The following ARHGAP24 variants were observed in gnomAD, a reference collection of about 807,000 sequenced individuals.
ARHGAP24 encodes rho GTPase-activating protein 24.
A neutral mutation model predicts 76.4 loss-of-function variants in ARHGAP24; 50 were observed. That is an observed-to-expected ratio of 0.65 (90% CI 0.52 to 0.83). The LOEUF (loss-of-function observed/expected upper bound fraction) is 0.83. Ranked by LOEUF, ARHGAP24 falls within the 40% of genes least tolerant of loss-of-function variation. The pLI is 0.00. For synonymous variants in ARHGAP24, 345 were observed against 323.3 expected, an observed-to-expected ratio of 1.07 and a Z score of -0.72; for missense variants, 930 against 914.2, an observed-to-expected ratio of 1.02 and a Z score of -0.22.
At chr4:85,528,924 T>C (rs919073620) in intron 1 of ARHGAP24, among the ~76,000 whole-genome samples, 3 of 152,010 alleles carry the variant, frequency 2.0e-5, no homozygotes, top group African/African-American at 7.2e-5. Context: ...TCATCTTGAC[T>C]ACTCTTGAGC....
intron 2 of ARHGAP24, among the ~76,000 whole-genome samples, chr4:85,583,502 T>A (rs1371454826): frequency 1.3e-5 from 2 of 152,106 alleles, no homozygotes; most frequent in Non-Finnish European, 2.9e-5. Context: ...GAAGAAAACC[T>A]AGGCATTACC....
At chr4:85,845,732 TGTTAATAGAGTTAAAAATAAA>T (rs1326606891) in intron 3 of ARHGAP24, among the ~76,000 whole-genome samples, 1 of 152,138 alleles carries the variant, frequency 6.6e-6, no homozygotes, top group Non-Finnish European at 1.5e-5. Flanking sequence ...CTCCCACCTA[TGTTAATAGAGTTAAAAATAAA>T]GTAAAATAAT....
chr4:85,634,460 G>A (rs1721250287), intron 2 of ARHGAP24, among the ~76,000 whole-genome samples: 1 of 151,820 alleles, frequency 6.6e-6, no homozygotes, highest in African/African-American at 2.4e-5. Flanking sequence ...TTCAGAAGAT[G>A]TCTACTGTAT....
chr4:85,648,910 A>G (rs1721826982), intron 2 of ARHGAP24, among the ~76,000 whole-genome samples: 1 of 152,112 alleles, frequency 6.6e-6, no homozygotes, highest in South Asian at 2.1e-4. Context: ...AAAAACTTGC[A>G]TTTAACAACA....
chr4:85,803,829 A>C (rs1324090613), intron 3 of ARHGAP24, among the ~76,000 whole-genome samples: 1 of 152,164 alleles, frequency 6.6e-6, no homozygotes, highest in African/African-American at 2.4e-5. Context: ...AGAGGCTCCT[A>C]ATGGTTCTGA....
chr4:85,955,217 C>T (rs893406888), intron 5 of ARHGAP24, among the ~76,000 whole-genome samples: 2 of 152,010 alleles, frequency 1.3e-5, no homozygotes, highest in Non-Finnish European at 1.5e-5. Flanking sequence ...TAAGCCCATG[C>T]TCCCCCCGCC....
At chr4:85,486,955 C>G (rs991169801) in intron 1 of ARHGAP24, among the ~76,000 whole-genome samples, 22 of 151,748 alleles carry the variant, frequency 1.4e-4, no homozygotes, top group Non-Finnish European at 2.9e-4. Flanking sequence ...AATTCTGGGT[C>G]AGGCTAAGGA....
At chr4:85,895,010 A>C (rs1734091088) in intron 3 of ARHGAP24, among the ~76,000 whole-genome samples, 1 of 45,526 alleles carries the variant, frequency 2.2e-5, no homozygotes, top group Admixed American at 2.4e-4. Context: ...GCAAAAAAAA[A>C]AAAAAAAAAA....
intron 1 of ARHGAP24, among the ~76,000 whole-genome samples, chr4:85,517,880 TAAG>T (rs1255525366): frequency 6.6e-6 from 1 of 152,140 alleles, no homozygotes; most frequent in Non-Finnish European, 1.5e-5. Context: ...CTTTAAAACG[TAAG>T]AAGAATTCTA....
At chr4:85,704,230 A>T (rs1724212483) in intron 2 of ARHGAP24, among the ~76,000 whole-genome samples, 1 of 152,126 alleles carries the variant, frequency 6.6e-6, no homozygotes, top group South Asian at 2.1e-4. Context: ...TTATTAGTAG[A>T]TCCACTATGT....
chr4:85,537,685 G>A (rs937232859), intron 1 of ARHGAP24, among the ~76,000 whole-genome samples: 9 of 152,264 alleles, frequency 5.9e-5, no homozygotes, highest in Admixed American at 2.6e-4. Context: ...CACTAAGTAA[G>A]CTTTGCTACA....
At chr4:85,724,798 A>G (rs1725108690) in intron 3 of ARHGAP24, among the ~76,000 whole-genome samples, 1 of 152,106 alleles carries the variant, frequency 6.6e-6, no homozygotes, top group South Asian at 2.1e-4. Context: ...TCTCTGAATA[A>G]TGCCATGAGT....
chr4:85,930,647 GA>G, intron 4 of ARHGAP24: 1 of 1,106,460 alleles, frequency 9.0e-7, no homozygotes, highest in Non-Finnish European at 1.1e-6. Flanking sequence ...CTTTTCCTGT[GA>G]CATTTTGGAA....
intron 2 of ARHGAP24, among the ~76,000 whole-genome samples, chr4:85,620,586 T>A (rs1720685121): frequency 6.6e-6 from 1 of 151,808 alleles, no homozygotes; most frequent in Admixed American, 6.6e-5. Context: ...TTGCTGATTT[T>A]TCAGCAAAAC....
Position 85,914,844 on chromosome 4 carries a change from C to T in ARHGAP24, c.269-8804C>T, listed in dbSNP as rs1735283580. 4.6e-5 allele frequency among the ~76,000 whole-genome samples: 7 copies of T among 152,190 alleles called. No individual in the cohort carries two copies. The South Asian group carries it at 1.4e-3, about 32-fold the overall frequency. On this transcript the variant is annotated intron_variant, in intron 3 of 9. Transcript: ENST00000395184. ...TTGTGGATTATTGCACCAGGATTTG[C>T]TTTCTCTTGTAATTCTAGTCTGTAT...
chr4:85,632,922 T>G (rs1201450826), intron 2 of ARHGAP24, among the ~76,000 whole-genome samples: 1 of 151,992 alleles, frequency 6.6e-6, no homozygotes, highest in Admixed American at 6.6e-5. Context: ...ACTTAGACTT[T>G]CATAGGCTCA....
chr4:85,762,035 T>C (rs1404140577), intron 3 of ARHGAP24, among the ~76,000 whole-genome samples: 38 of 152,186 alleles, frequency 2.5e-4, no homozygotes, highest in Non-Finnish European at 2.9e-5. Context: ...AGTTGGCCAG[T>C]GGCCATGGTA....
chr4:85,854,611 T>G (rs1288475664), intron 3 of ARHGAP24, among the ~76,000 whole-genome samples: 2 of 152,206 alleles, frequency 1.3e-5, no homozygotes, highest in East Asian at 3.8e-4. Context: ...TCTTTTCATT[T>G]TTCTCTTTTT....
chr4:85,576,239 A>G (rs1727366880), intron 2 of ARHGAP24, among the ~76,000 whole-genome samples: 1 of 152,060 alleles, frequency 6.6e-6, no homozygotes, highest in South Asian at 2.1e-4. Flanking sequence ...ATCCTGGCTA[A>G]CACGGTGAAA....
Sources: gnomAD v4.1 joint callset for allele counts (sites outside exome capture counted in the v4.1 genomes callset) on GRCh38, gnomAD v4.1.1 for gene constraint, MANE v1.5 for transcripts, NCBI Gene and HGNC (gene_info 2026-07-23, HGNC 2026-07-21) for gene names.